The following ENOX2 variants were observed in gnomAD, a reference collection of about 807,000 sequenced individuals.
ENOX2 encodes the protein APK1 antigen.
Under a neutral mutation model 45.0 loss-of-function variants are expected in ENOX2, and 36 were observed. The observed-to-expected ratio is 0.80, with a 90% CI of 0.61 to 1.06. The LOEUF (loss-of-function observed/expected upper bound fraction) is 1.06, where lower values mean the gene tolerates loss of function less well. Ranked by LOEUF, ENOX2 falls within the 50% of genes least tolerant of loss-of-function variation. The pLI, the probability that ENOX2 is intolerant of heterozygous loss-of-function variation, is 0.00. For synonymous variants in ENOX2, 174 were observed against 152.3 expected, an observed-to-expected ratio of 1.14 and a Z score of -1.05; for missense variants, 423 against 462.5, an observed-to-expected ratio of 0.91 and a Z score of 0.78.
intron 9 of ENOX2, among the ~76,000 whole-genome samples, chrX:130,661,408 C>T (rs12009966): frequency 0.025 from 2,762 of 110,302 alleles, 73 homozygotes; most frequent in African/African-American, 0.081. Context: ...AAGCTGGTCT[C>T]GAACTCCTGA....
chrX:130,671,549 A>C (rs899173764), intron 6 of ENOX2, among the ~76,000 whole-genome samples: 6 of 111,847 alleles, frequency 5.4e-5, no homozygotes, highest in African/African-American at 2.0e-4. Context: ...CTGCACAGAG[A>C]AAGAGCTTCA....
At chrX:130,812,819 C>T (rs6634800) in intron 2 of ENOX2, among the ~76,000 whole-genome samples, 86 of 111,345 alleles carry the variant, frequency 7.7e-4, no homozygotes, top group African/African-American at 2.5e-3. Flanking sequence ...GAAATTTGTG[C>T]GGAACCACAA....
At chrX:130,636,199 A>G (rs2035927292) in intron 11 of ENOX2, among the ~76,000 whole-genome samples, 2 of 112,332 alleles carry the variant, frequency 1.8e-5, no homozygotes, top group Non-Finnish European at 3.8e-5. Flanking sequence ...ACATGTTCTA[A>G]TTAAACTCCA....
intron 6 of ENOX2, 129 bp from the exon 7 acceptor site, chrX:130,670,327 T>C (rs1489105035): frequency 4.1e-6 from 2 of 489,921 alleles, no homozygotes; most frequent in African/African-American, 2.4e-5. Flanking sequence ...GTTCAGTGTT[T>C]CAGATGTCAC....
intron 2 of ENOX2, among the ~76,000 whole-genome samples, chrX:130,878,876 T>A (rs2078754300): frequency 8.9e-6 from 1 of 112,720 alleles, no homozygotes; most frequent in South Asian, 3.7e-4. Context: ...TGATGTTTTA[T>A]ATTTATTTGT....
At chrX:130,677,645 A>C (rs978669595) in intron 6 of ENOX2, among the ~76,000 whole-genome samples, 1 of 111,727 alleles carries the variant, frequency 9.0e-6, no homozygotes, top group Non-Finnish European at 1.9e-5. Context: ...ATGGGTTGTC[A>C]TGAGAGTAGG....
At chrX:130,656,508 G>A in intron 10 of ENOX2, 73 bp downstream of exon 10, 1 of 634,601 alleles carries the variant, frequency 1.6e-6, no homozygotes, top group Non-Finnish European at 2.5e-6. Context: ...TACCTTACTG[G>A]GTATTAAAAG....
At chrX:130,772,450 T>C (rs903344645) in intron 3 of ENOX2, among the ~76,000 whole-genome samples, 4 of 111,681 alleles carry the variant, frequency 3.6e-5, no homozygotes, top group African/African-American at 1.3e-4. Flanking sequence ...ACTGTATTTG[T>C]ATGAGGTGAT....
intron 3 of ENOX2, among the ~76,000 whole-genome samples, chrX:130,704,389 CA>C (rs1434204075): frequency 8.9e-6 from 1 of 111,746 alleles, no homozygotes. Context: ...ATGATATAAG[CA>C]AAAACATTGA....
intron 2 of ENOX2, among the ~76,000 whole-genome samples, chrX:130,899,921 AAAT>A (rs2079117751): frequency 8.9e-6 from 1 of 112,265 alleles, no homozygotes. Flanking sequence ...AACACTGACA[AAAT>A]AATATTAACA....
At position 130,685,968 on chromosome X, in the gene ENOX2, G is replaced by A. The variant is rs1417891151; in HGVS notation, c.253+2895C>T. 3.6e-5 allele frequency among the ~76,000 whole-genome samples: 4 copies of A among 111,738 alleles called. No individual in the cohort carries two copies. The Admixed American group carries it at 3.8e-4, about 11-fold the overall frequency. ...CAAGCACTTGGATGAAATGTCAGGTGGGACACAGGGGAGGGAATGGATGGC... is the reference window on the plus strand; with the variant it reads ...CAAGCACTTGGATGAAATGTCAGGTAGGACACAGGGGAGGGAATGGATGGC... On this transcript the variant is annotated intron_variant, in intron 5 of 14. Coordinates refer to ENST00000394363, the MANE Select transcript of ENOX2 (RefSeq NM_006375.4).
In ENOX2 at chrX:130,747,006, C is replaced by T. The variant is rs2039112109; in HGVS notation, c.-39+36541G>A. On this transcript the variant is annotated intron_variant, in intron 3 of 14. Coordinates refer to ENST00000394363, the MANE Select transcript of ENOX2 (RefSeq NM_006375.4). The stretch of plus-strand genomic sequence containing the variant: ...AAGGAGAATTATCTGTGCTTATCTC[C>T]TACTCTTAAATATTAACTGGGATAT... Among the ~76,000 whole-genome samples the T allele has an allele frequency of 2.7e-5, 3 of 112,217 alleles. No homozygotes were observed. In the South Asian group the frequency reaches 1.1e-3, roughly 41 times the overall value.
chrX:130,802,529 T>C (rs1229356754), intron 2 of ENOX2, among the ~76,000 whole-genome samples: 1 of 112,030 alleles, frequency 8.9e-6, no homozygotes, highest in Non-Finnish European at 1.9e-5. Flanking sequence ...CACAGCTACT[T>C]TGTGAGGTGA....
At chrX:130,692,022 C>T (rs2037612247) in intron 4 of ENOX2, among the ~76,000 whole-genome samples, 1 of 113,245 alleles carries the variant, frequency 8.8e-6, no homozygotes, top group Non-Finnish European at 1.9e-5. Context: ...GATAAACTCC[C>T]CCTCTTCCTT....
chrX:130,711,573 G>A (rs2038191840), intron 3 of ENOX2, among the ~76,000 whole-genome samples: 2 of 111,388 alleles, frequency 1.8e-5, no homozygotes, highest in South Asian at 7.7e-4. Flanking sequence ...GAAGGCAAAG[G>A]GAGGCAAGGG....
intron 3 of ENOX2, among the ~76,000 whole-genome samples, chrX:130,735,602 C>A (rs1399373005): frequency 9.0e-6 from 1 of 111,678 alleles, no homozygotes; most frequent in Non-Finnish European, 1.9e-5. Context: ...ATAAAAGTAA[C>A]TGATTTCTAA....
At chrX:130,863,141 C>G (rs759033219) in intron 2 of ENOX2, among the ~76,000 whole-genome samples, 5 of 112,149 alleles carry the variant, frequency 4.5e-5, no homozygotes, top group Non-Finnish European at 9.4e-5. Flanking sequence ...GGATGATCTA[C>G]AGGTTTTAAT....
At chrX:130,831,472 A>G (rs1398723288) in intron 2 of ENOX2, among the ~76,000 whole-genome samples, 1 of 110,777 alleles carries the variant, frequency 9.0e-6, no homozygotes, top group Non-Finnish European at 1.9e-5. Flanking sequence ...TCCCAACTTC[A>G]TCTCATGCTA....
At chrX:130,685,477 C>T (rs1271854657) in intron 5 of ENOX2, among the ~76,000 whole-genome samples, 4 of 111,596 alleles carry the variant, frequency 3.6e-5, no homozygotes, top group Non-Finnish European at 7.5e-5. Flanking sequence ...AATTAGAAGG[C>T]TATTACAATA....
Sources: gnomAD v4.1 joint callset for allele counts (sites outside exome capture counted in the v4.1 genomes callset) on GRCh38, gnomAD v4.1.1 for gene constraint, MANE v1.5 for transcripts, NCBI Gene and HGNC (gene_info 2026-07-23, HGNC 2026-07-21) for gene names.